Variants in FGF20 observed in about 807,000 individuals in gnomAD.
FGF20 encodes the protein fibroblast growth factor 20.
In FGF20, 8 loss-of-function variants were observed where a neutral mutation model predicts 16.7. That is an observed-to-expected ratio of 0.48 (90% CI 0.28 to 0.87). FGF20 has a LOEUF of 0.87. FGF20 is among the 40% of genes least tolerant of loss of function. The pLI, the probability that FGF20 is intolerant of heterozygous loss-of-function variation, is 0.10. For missense variants in FGF20, 397 were observed against 281.4 expected (o/e 1.41, Z -2.94); for synonymous variants, 161 against 118.6 (o/e 1.36, Z -2.32).
At chr8:17,001,705 C>A in intron 1 of FGF20, 42 bp downstream of exon 1, 1 of 1,527,930 alleles carries the variant, frequency 6.5e-7, no homozygotes, top group East Asian at 2.7e-5. Context: ...AGGAGCCGAG[C>A]TGGGGCGCAG....
At chr8:16,995,238 A>G (rs1810015910) in intron 2 of FGF20, among the ~76,000 whole-genome samples, 1 of 152,240 alleles carries the variant, frequency 6.6e-6, no homozygotes, top group African/African-American at 2.4e-5. Context: ...TTAAATACAA[A>G]GGTCAGCAAG....
rs865776582 is a variant in FGF20 at position 16,993,075 on chromosome 8, A to T, written c.633T>A (p.Thr211=). Reference sequence around the variant, plus strand: ...TCCATAATGTCACTATCGCACTTCAAGTGTACATCAGTAGGTCCTTGTACA... The same window carrying T: ...TCCATAATGTCACTATCGCACTTCATGTGTACATCAGTAGGTCCTTGTACA... The part of the protein sequence containing the change: ...PELYKDLLMY[T] Residue 211 remains threonine (T), a synonymous_variant, in exon 3 of 3, where the codon ACT becomes ACA. Transcript: ENST00000180166. 1.2e-6 allele frequency: 2 copies of T among 1,613,666 alleles called. No homozygotes were observed. Among genetic ancestry groups the T allele is most frequent in the African/African-American group, 2.7e-5 (2 of 74,978 alleles).
At position 16,992,935 on chromosome 8, in the gene FGF20, TC is replaced by T; in HGVS notation, c.*136del. 1 of 1,164,346 alleles carries T rather than the reference TC, an allele frequency of 8.6e-7. No homozygotes were observed. The highest frequency in any genetic ancestry group is 1.6e-5 in the South Asian group (1 of 64,084). The allele number at this position is 1,164,346 out of a possible 1,614,324, so 72.1% of individuals were successfully genotyped here. On this transcript the variant is annotated 3_prime_UTR_variant, in exon 3 of 3. Transcript: ENST00000180166. ...TTTTTTTGGTTTTTTTTCTCAATAT[TC>T]TTTCCAAATCCAGTCTCTCAGTAGA...
chr8:17,001,053 C>T (rs373790710), intron 1 of FGF20, among the ~76,000 whole-genome samples: 2 of 151,032 alleles, frequency 1.3e-5, no homozygotes, highest in Non-Finnish European at 2.9e-5. Flanking sequence ...ACCCCTCCCC[C>T]CCTTTCCTTT....
rs1283715691 is a variant in FGF20 at position 17,002,009 on chromosome 8, C to T, written c.24G>A (p.Gly8=). MAPLAEV[G]GFLGGLEGLG... ...AGCCCTCCAGGCCGCCCAGAAAGCC[C>T]CCGACTTCGGCTAAGGGAGCCATGG... The change falls in exon 1 of 3, where the codon GGG becomes GGA. Residue 8 remains glycine, a synonymous_variant. Transcript: ENST00000180166. 6.5e-7 allele frequency: 1 copy of T among 1,536,172 alleles called. No homozygotes were observed. Among genetic ancestry groups the T allele is most frequent in the Admixed American group, 2.0e-5 (1 of 50,048 alleles).
chr8:16,993,277 T>C lies in FGF20; in HGVS notation c.431A>G (p.Glu144Gly). The C allele has an allele frequency of 6.2e-7, 1 of 1,613,932 alleles. No homozygotes were observed. The highest frequency in any genetic ancestry group is 8.5e-7 in the Non-Finnish European group (1 of 1,179,890). Residue 144 changes from glutamate (E) to glycine (G), a missense_variant, in exon 3 of 3, where the codon GAA (glutamate) becomes GGA (glycine). Coordinates refer to ENST00000180166, the MANE Select transcript of FGF20 (RefSeq NM_019851.3). ...TSECIFREQF[E>G]ENWYNTYSSN... ...TGAATAGGTGTTATACCAGTTCTCT[T>C]CAAACTGCTCCCTAAAGATGCATTC...
At chr8:16,996,922 T>A (rs2150435200) in intron 1 of FGF20, among the ~76,000 whole-genome samples, 1 of 152,348 alleles carries the variant, frequency 6.6e-6, no homozygotes, top group East Asian at 1.9e-4. Context: ...ATACAGTAGT[T>A]TCAAGACTTT....
chr8:16,995,687 C>T lies in FGF20; in HGVS notation c.358G>A (p.Gly120Arg). 6.2e-7 allele frequency: 1 copy of T among 1,602,712 alleles called. No individual in the cohort carries two copies. ...IRGVDSGLYLGMNDKGELYGS... is the reference protein window; with the variant it reads ...IRGVDSGLYLRMNDKGELYGS... ...TAGAGTTCTCCTTTGTCATTCATTC[C>T]AAGATAGAGACCACTGTCCACACCT... The change falls in exon 2 of 3, where the codon GGA becomes AGA. Residue 120 changes from glycine to arginine, a missense_variant. Coordinates refer to ENST00000180166, the MANE Select transcript of FGF20 (RefSeq NM_019851.3).
At chr8:16,996,041 G>A (rs930945925) in intron 1 of FGF20, among the ~76,000 whole-genome samples, 1 of 152,162 alleles carries the variant, frequency 6.6e-6, no homozygotes, top group African/African-American at 2.4e-5. Flanking sequence ...CAACAGGATG[G>A]AGCCTTGGGA....
chr8:16,995,830 T>G, intron 1 of FGF20, 72 bp from the exon 2 acceptor site: 1 of 837,614 alleles, frequency 1.2e-6, no homozygotes, highest in South Asian at 1.8e-5. Context: ...AACAAAAATC[T>G]TCCAAATAGT....
In FGF20 at chr8:17,001,923, A is replaced by T. The variant is rs1205538550; in HGVS notation, c.110T>A (p.Leu37Gln). 1 of 1,491,806 alleles carries T rather than the reference A, an allele frequency of 6.7e-7. No homozygotes were observed. Among genetic ancestry groups the T allele is most frequent in the Non-Finnish European group, 8.9e-7 (1 of 1,122,068 alleles). 92.4% of individuals were successfully genotyped at this position (1,491,806 alleles called of 1,614,324 possible). Residue 37 changes from leucine to glutamine, a missense_variant, in exon 1 of 3, where the codon CTG becomes CAG. Transcript: ENST00000180166. ...LPPAGERPPL[L>Q]GERRSAAERS... ...CTCCGCCGCGCTCCTGCGCTCGCCC[A>T]GCAGCGGCGGCCGCTCCCCGGCAGG...
rs777595585 is a variant in FGF20 at position 16,993,084 on chromosome 8, C to G, written c.624G>C (p.Leu208=). 1.2e-6 allele frequency: 2 copies of G among 1,613,962 alleles called. No homozygotes were observed. Among genetic ancestry groups the G allele is most frequent in the South Asian group, 1.1e-5 (1 of 91,056 alleles). ...ERVPELYKDL[L]MYT is the part of the protein sequence containing the mutation. ...TCACTATCGCACTTCAAGTGTACATCAGTAGGTCCTTGTACAATTCTGGAA... is the reference window on the plus strand; with the variant it reads ...TCACTATCGCACTTCAAGTGTACATGAGTAGGTCCTTGTACAATTCTGGAA... Residue 208 remains leucine, a synonymous_variant, in exon 3 of 3, where the codon CTG becomes CTC. Transcript: ENST00000180166.
chr8:16,993,858 C>G (rs1240434820), intron 2 of FGF20, among the ~76,000 whole-genome samples: 1 of 152,098 alleles, frequency 6.6e-6, no homozygotes, highest in African/African-American at 2.4e-5. Context: ...GTTCATGCTC[C>G]TATGAGAATT....
intron 2 of FGF20, 82 bp from the exon 3 acceptor site, chr8:16,993,399 A>AT (rs1809964078): frequency 7.4e-7 from 1 of 1,345,752 alleles, no homozygotes; most frequent in East Asian, 2.3e-5. Context: ...CTATATTTTC[A>AT]TTTCTTTGCC....
At chr8:16,997,311 A>G (rs745817528) in intron 1 of FGF20, among the ~76,000 whole-genome samples, 14 of 152,152 alleles carry the variant, frequency 9.2e-5, no homozygotes, top group Non-Finnish European at 1.9e-4. Context: ...CCTCAATAGC[A>G]TTCTACCTTC....
rs752945849 is a variant in FGF20, at chr8:16,995,652, T to A, written c.390+3A>T. The A allele has an allele frequency of 2.2e-6, 3 of 1,371,798 alleles. No homozygotes were observed. The highest frequency in any genetic ancestry group is 3.1e-6 in the Non-Finnish European group (3 of 981,476). 85.0% of individuals were successfully genotyped at this position (1,371,798 alleles called of 1,614,324 possible). A position where few individuals can be genotyped will look rare whatever the true frequency, so the allele number is the denominator to read the frequency against. On this transcript the variant is annotated splice_donor_region_variant and intron_variant, in intron 2 of 2. Transcript: ENST00000180166. ...AATAATAAAAAATAAAAATAATACGTACTGATCCATAGAGTTCTCCTTTGT... is the reference window on the plus strand; with the variant it reads ...AATAATAAAAAATAAAAATAATACGAACTGATCCATAGAGTTCTCCTTTGT...
chr8:16,995,816 G>C, intron 1 of FGF20, 58 bp from the exon 2 acceptor site: 1 of 985,094 alleles, frequency 1.0e-6, no homozygotes, highest in Non-Finnish European at 1.5e-6. Context: ...ATGAGCATAT[G>C]ACTAACAAAA....
Position 16,992,947 on chromosome 8 carries a change from C to A in FGF20, c.*125G>T. The A allele has an allele frequency of 8.1e-7, 1 of 1,231,548 alleles. No individual in the cohort carries two copies. The highest frequency in any genetic ancestry group is 1.1e-6 in the Non-Finnish European group (1 of 891,764). The allele number at this position is 1,231,548 out of a possible 1,614,324, so 76.3% of individuals were successfully genotyped here. A position where few individuals can be genotyped will look rare whatever the true frequency, so the allele number is the denominator to read the frequency against. ...TTTTTCTCAATATTCTTTCCAAATCCAGTCTCTCAGTAGAAAATAGACTTT... is the reference window on the plus strand; with the variant it reads ...TTTTTCTCAATATTCTTTCCAAATCAAGTCTCTCAGTAGAAAATAGACTTT... On this transcript the variant is annotated 3_prime_UTR_variant, in exon 3 of 3. Coordinates refer to ENST00000180166, the MANE Select transcript of FGF20 (RefSeq NM_019851.3).
At position 17,001,722 on chromosome 8, in the gene FGF20, G is replaced by T. The variant is rs1470103867; in HGVS notation, c.286+25C>A. 3.2e-6 allele frequency: 5 copies of T among 1,557,236 alleles called. No homozygotes were observed. In the African/African-American group the frequency reaches 5.6e-5, roughly 18 times the overall value. On this transcript the variant is annotated intron_variant, in intron 1 of 2. Coordinates refer to ENST00000180166, the MANE Select transcript of FGF20 (RefSeq NM_019851.3). ...GAGCCGAGCTGGGGCGCAGATGGGG[G>T]TGGGGTCGGGATGCTAGTACGTACC...
Sources: allele counts gnomAD v4.1 joint callset (sites outside exome capture counted in the v4.1 genomes callset), GRCh38; gene constraint gnomAD v4.1.1; transcripts MANE v1.5; gene names NCBI Gene and HGNC (gene_info 2026-07-23, HGNC 2026-07-21).